The following ADARB1 variants were observed in gnomAD, a reference collection of about 807,000 sequenced individuals.
ADARB1 encodes double-stranded RNA-specific editase 1.
In ADARB1, 10 loss-of-function variants were observed where a neutral mutation model predicts 52.4. That is an observed-to-expected ratio of 0.19 (90% CI 0.12 to 0.32). The LOEUF (loss-of-function observed/expected upper bound fraction) is 0.32. Ranked by LOEUF, ADARB1 falls within the 10% of genes least tolerant of loss-of-function variation. The probability of loss-of-function intolerance (pLI) is 1.00; values close to 1 mark genes in which losing one functional copy is unlikely to be tolerated. For missense variants in ADARB1, 643 were observed against 922.3 expected (o/e 0.70, Z 3.92); for synonymous variants, 349 against 371.1 (o/e 0.94, Z 0.68).
chr21:45,197,189 G>C (rs1001001899), intron 8 of ADARB1, among the ~76,000 whole-genome samples: 24 of 151,938 alleles, frequency 1.6e-4, no homozygotes, highest in African/African-American at 5.1e-4. Flanking sequence ...AACAAAGAGA[G>C]TTTGACAGTT....
intron 2 of ADARB1, among the ~76,000 whole-genome samples, chr21:45,166,143 G>A (rs968877717): frequency 1.3e-5 from 2 of 151,990 alleles, no homozygotes; most frequent in Admixed American, 6.6e-5. Flanking sequence ...ATTAAGGGAA[G>A]GGGAGAAAAA....
chr21:45,156,061 CCAT>C (rs1282963893), intron 2 of ADARB1, among the ~76,000 whole-genome samples: 2 of 660 alleles, frequency 3.0e-3, no homozygotes, highest in African/African-American at 7.8e-3. Flanking sequence ...CCACCATCAC[CCAT>C]CATCCATTCA....
chr21:45,191,880 ATTTTTTTTTTTT>A (rs777269104), intron 8 of ADARB1, among the ~76,000 whole-genome samples: 40 of 15,694 alleles, frequency 2.5e-3, no homozygotes, highest in East Asian at 5.3e-3. Context: ...ATATATATAT[ATTTTTTTTTTTT>A]TTTTTTTTTT....
chr21:45,223,646 G>A lies in ADARB1; in HGVS notation c.*1449G>A, dbSNP rs185671164. 23 of 985,642 alleles carry A rather than the reference G, an allele frequency of 2.3e-5. No individual in the cohort carries two copies. Among genetic ancestry groups the A allele is most frequent in the Admixed American group, 6.1e-5 (1 of 16,294 alleles). The allele number at this position is 985,642 out of a possible 1,614,324, so 61.1% of individuals were successfully genotyped here. On this transcript the variant is annotated 3_prime_UTR_variant, in exon 11 of 11. Transcript: ENST00000348831. ...CCCCACAGCATACACCTGCCACAGC[G>A]AAATCCAGGGTGTTGGCACCTGTGT...
rs528118188 is a variant in ADARB1, at chr21:45,121,842, G to A, written c.-219-6560G>A. On this transcript the variant is annotated intron_variant, in intron 1 of 10. Coordinates refer to ENST00000348831, the MANE Select transcript of ADARB1 (RefSeq NM_001112.4). ...CTCCTTTAGCCGTTGTTTTCTGTAC[G>A]TATATGGTGTGTTTGACTTTTCCAG... is the stretch of plus-strand genomic sequence containing the variant. Among the ~76,000 whole-genome samples the A allele has an allele frequency of 3.9e-5, 6 of 152,232 alleles. No homozygotes were observed. The South Asian group carries it at 8.3e-4, about 21-fold the overall frequency.
chr21:45,119,828 G>A (rs1220140066), intron 1 of ADARB1, among the ~76,000 whole-genome samples: 1 of 152,184 alleles, frequency 6.6e-6, no homozygotes, highest in Admixed American at 6.5e-5. Context: ...TACCCAGACA[G>A]CCCACATTAA....
chr21:45,145,957 G>C (rs1263740900), intron 2 of ADARB1: 1 of 152,204 alleles, frequency 6.6e-6, no homozygotes, highest in Non-Finnish European at 1.5e-5. Flanking sequence ...TGTTGACCAC[G>C]TTCTCACCGA....
chr21:45,177,601 C>G (rs908893698), intron 4 of ADARB1: 6 of 152,210 alleles, frequency 3.9e-5, no homozygotes, highest in Admixed American at 1.3e-4. Context: ...TTTTGACCCT[C>G]TATTCATTTA....
intron 1 of ADARB1, among the ~76,000 whole-genome samples, chr21:45,123,897 G>A (rs1343388903): frequency 6.6e-6 from 1 of 152,132 alleles, no homozygotes; most frequent in Non-Finnish European, 1.5e-5. Context: ...CACTGTGTTT[G>A]GTAATATCCT....
chr21:45,202,012 C>G (rs1175978447), intron 8 of ADARB1, among the ~76,000 whole-genome samples: 1 of 152,062 alleles, frequency 6.6e-6, no homozygotes. Context: ...GGGACAGGTG[C>G]AGGGTGAGAG....
chr21:45,218,464 G>A (rs1378342119), intron 9 of ADARB1, among the ~76,000 whole-genome samples: 1 of 152,218 alleles, frequency 6.6e-6, no homozygotes, highest in Non-Finnish European at 1.5e-5. Flanking sequence ...TCAGGAGGCT[G>A]TTTCCCAGCC....
chr21:45,129,779 TA>T (rs1413170150), intron 2 of ADARB1, among the ~76,000 whole-genome samples: 1 of 152,102 alleles, frequency 6.6e-6, no homozygotes, highest in African/African-American at 2.4e-5. Flanking sequence ...GCTGGGAGCC[TA>T]GGGGGGACGC....
At chr21:45,101,005 T>TGGCAGCAGC (rs947892901) in intron 1 of ADARB1, 1 of 152,748 alleles carries the variant, frequency 6.5e-6, no homozygotes, top group African/African-American at 2.4e-5. Context: ...GGAGCAGGAC[T>TGGCAGCAGC]GGCAGCAGCA....
At chr21:45,161,003 T>A (rs2090933331) in intron 2 of ADARB1, among the ~76,000 whole-genome samples, 1 of 152,266 alleles carries the variant, frequency 6.6e-6, no homozygotes, top group Non-Finnish European at 1.5e-5. Flanking sequence ...GGATTTATAC[T>A]GCAAATAACT....
chr21:45,164,976 T>C (rs990077086), intron 2 of ADARB1, among the ~76,000 whole-genome samples: 2 of 152,136 alleles, frequency 1.3e-5, no homozygotes, highest in African/African-American at 4.8e-5. Context: ...TGTGCATTGG[T>C]ACACCTGCTG....
chr21:45,209,361 T>C (rs2838814), intron 9 of ADARB1, among the ~76,000 whole-genome samples: 18,624 of 152,272 alleles, frequency 0.12, 1,383 homozygotes, highest in African/African-American at 0.19. Context: ...CTCCTGCCCT[T>C]AACTCCACAT....
At chr21:45,132,600 TC>T (rs1428820939) in intron 2 of ADARB1, among the ~76,000 whole-genome samples, 2 of 152,182 alleles carry the variant, frequency 1.3e-5, no homozygotes, top group Non-Finnish European at 2.9e-5. Flanking sequence ...AGGGCACAGA[TC>T]CTTCCTGTGG....
At chr21:45,075,138 C>T (rs2085869001) in intron 1 of ADARB1, among the ~76,000 whole-genome samples, 2 of 149,656 alleles carry the variant, frequency 1.3e-5, no homozygotes, top group Non-Finnish European at 3.0e-5. Context: ...ACCGAGACTG[C>T]GTTTTGGGGA....
chr21:45,198,946 C>T (rs2092488954), intron 8 of ADARB1, among the ~76,000 whole-genome samples: 1 of 152,038 alleles, frequency 6.6e-6, no homozygotes, highest in South Asian at 2.1e-4. Context: ...AAAGTTGAAT[C>T]CCAACATGGC....
Sources: gnomAD v4.1 joint callset for allele counts (sites outside exome capture counted in the v4.1 genomes callset) on GRCh38, gnomAD v4.1.1 for gene constraint, MANE v1.5 for transcripts, NCBI Gene and HGNC (gene_info 2026-07-23, HGNC 2026-07-21) for gene names.